The following UTRN variants were observed in gnomAD, a reference collection of about 807,000 sequenced individuals.
UTRN encodes the protein dystrophin-related protein 1.
Under a neutral mutation model 463.9 loss-of-function variants are expected in UTRN, and 283 were observed. That is an observed-to-expected ratio of 0.61 (90% CI 0.55 to 0.67). The LOEUF (loss-of-function observed/expected upper bound fraction) is 0.67, where lower values mean the gene tolerates loss of function less well. UTRN is among the 30% of genes least tolerant of loss of function. The pLI, the probability that UTRN is intolerant of heterozygous loss-of-function variation, is 0.00. For missense variants in UTRN, 3,922 were observed against 4,084.3 expected (o/e 0.96, Z 1.08); for synonymous variants, 1,442 against 1,431.5 (o/e 1.01, Z -0.17).
intron 58 of UTRN, among the ~76,000 whole-genome samples, chr6:144,768,960 T>TTTTTTTTTTTTTTTTTTTTTC (rs1793685309): frequency 6.8e-6 from 1 of 147,704 alleles, no homozygotes; most frequent in African/African-American, 2.5e-5. Context: ...TTTGTTTTGT[T>TTTTTTTTTTTTTTTTTTTTTC]TTTTTTTTTT....
At chr6:144,299,176 A>G (rs866970503) in intron 2 of UTRN, among the ~76,000 whole-genome samples, 1 of 152,172 alleles carries the variant, frequency 6.6e-6, no homozygotes, top group Non-Finnish European at 1.5e-5. Flanking sequence ...TTCAAGCTTT[A>G]TGTCAGAACC....
chr6:144,509,371 A>T (rs761413735), intron 34 of UTRN, among the ~76,000 whole-genome samples: 5 of 152,010 alleles, frequency 3.3e-5, no homozygotes, highest in Non-Finnish European at 7.4e-5. Flanking sequence ...TTCAATTTTT[A>T]AACATCCATG....
At chr6:144,497,975 G>A (rs932103012) in intron 33 of UTRN, among the ~76,000 whole-genome samples, 1 of 152,202 alleles carries the variant, frequency 6.6e-6, no homozygotes, top group African/African-American at 2.4e-5. Context: ...AGGAAGATGA[G>A]CTTGCAAAAG....
Position 144,521,964 on chromosome 6 carries a change from T to TG in UTRN, c.5542-16_5542-15insG. On this transcript the variant is annotated splice_polypyrimidine_tract_variant and intron_variant, in intron 39 of 74. Transcript: ENST00000367545. ...ATATATATATATATATATTTTTTTT[T>TG]TTGCTGTTTTTGTAGGCAATCCCTA... 2 of 1,446,362 alleles carry TG rather than the reference T, an allele frequency of 1.4e-6. No homozygotes were observed. The highest frequency in any genetic ancestry group is 1.8e-6 in the Non-Finnish European group (2 of 1,104,912). 89.6% of individuals were successfully genotyped at this position (1,446,362 alleles called of 1,614,324 possible).
At chr6:144,299,851 G>C (rs1181556666) in intron 2 of UTRN, among the ~76,000 whole-genome samples, 1 of 152,092 alleles carries the variant, frequency 6.6e-6, no homozygotes, top group East Asian at 1.9e-4. Flanking sequence ...GGTGGTTAGA[G>C]AAATGTATTA....
At chr6:144,631,746 T>C (rs1237699494) in intron 51 of UTRN, among the ~76,000 whole-genome samples, 2 of 152,188 alleles carry the variant, frequency 1.3e-5, no homozygotes, top group Non-Finnish European at 2.9e-5. Flanking sequence ...TTGGGCTCTA[T>C]CTTCTATTTC....
intron 51 of UTRN, among the ~76,000 whole-genome samples, chr6:144,656,110 A>T (rs1417476907): frequency 1.3e-5 from 2 of 152,216 alleles, no homozygotes; most frequent in African/African-American, 4.8e-5. Context: ...TTCCTGGGTT[A>T]TTCAGTGTTG....
chr6:144,537,279 AT>A (rs1352327953), intron 43 of UTRN, among the ~76,000 whole-genome samples: 1 of 152,014 alleles, frequency 6.6e-6, no homozygotes, highest in Admixed American at 6.6e-5. Context: ...GCGGAGTGGT[AT>A]CTAACTGTAA....
intron 18 of UTRN, 41 bp downstream of exon 18, chr6:144,451,534 G>A (rs558929430): frequency 3.9e-6 from 6 of 1,558,220 alleles, no homozygotes; most frequent in South Asian, 1.2e-5. Flanking sequence ...GCATAAAATA[G>A]TTCATCATGC....
chr6:144,852,659 A>G lies in UTRN; in HGVS notation c.*1662A>G, dbSNP rs1358585724. On this transcript the variant is annotated 3_prime_UTR_variant, in exon 75 of 75. Transcript: ENST00000367545. Reference sequence around the variant, plus strand: ...TGCTTTATGCTGCTGCAGTCTGCAAAGTCTAGAGCTTTTATCAGGCCATGT... The same window carrying G: ...TGCTTTATGCTGCTGCAGTCTGCAAGGTCTAGAGCTTTTATCAGGCCATGT... 2.6e-5 allele frequency: 4 copies of G among 152,596 alleles called. No individual in the cohort carries two copies. The highest frequency in any genetic ancestry group is 9.7e-5 in the African/African-American group (4 of 41,444). 9.5% of individuals were successfully genotyped at this position (152,596 alleles called of 1,614,324 possible). A position where few individuals can be genotyped will look rare whatever the true frequency, so the allele number is the denominator to read the frequency against.
At chr6:144,434,777 A>G (rs1448040766) in intron 9 of UTRN, among the ~76,000 whole-genome samples, 1 of 152,196 alleles carries the variant, frequency 6.6e-6, no homozygotes, top group Non-Finnish European at 1.5e-5. Flanking sequence ...CCAGCAGGAA[A>G]CCAGGGCAGT....
chr6:144,479,104 G>T (rs964224790), intron 25 of UTRN, among the ~76,000 whole-genome samples: 1 of 146,228 alleles, frequency 6.8e-6, no homozygotes, highest in South Asian at 2.2e-4. Flanking sequence ...CATTTTGATT[G>T]CTTCTAGGGG....
intron 62 of UTRN, among the ~76,000 whole-genome samples, chr6:144,789,701 CTT>C (rs921833837): frequency 2.0e-5 from 3 of 151,926 alleles, no homozygotes; most frequent in African/African-American, 7.3e-5. Context: ...AAAGCCTAAA[CTT>C]TTTTTTATTT....
chr6:144,444,535 A>G (rs1787480423), intron 14 of UTRN, among the ~76,000 whole-genome samples, 153 bp downstream of exon 14: 1 of 152,226 alleles, frequency 6.6e-6, no homozygotes, highest in African/African-American at 2.4e-5. Context: ...TCCAGTTTAT[A>G]ACTGATCATG....
At chr6:144,456,653 AAATAAT>A (rs57694055) in intron 19 of UTRN, among the ~76,000 whole-genome samples, 11,000 of 140,518 alleles carry the variant, frequency 0.078, 508 homozygotes, top group African/African-American at 0.13. Context: ...CTCTGTCTCA[AAATAAT>A]AATAATAATA....
chr6:144,297,724 G>A lies in UTRN; in HGVS notation c.79+5817G>A, dbSNP rs55684976. 0.013 allele frequency among the ~76,000 whole-genome samples: 1,950 copies of A among 152,218 alleles called. 84 individuals are homozygous for A. In the East Asian group the frequency reaches 0.16, roughly 13 times the overall value. On this transcript the variant is annotated intron_variant, in intron 2 of 74. Transcript: ENST00000367545. ...AGAGAAGGGCAGCTATTCTTGTCCTGCTTGTAAAGATATTCTCCATGTTGT... is the reference window on the plus strand; with the variant it reads ...AGAGAAGGGCAGCTATTCTTGTCCTACTTGTAAAGATATTCTCCATGTTGT...
intron 3 of UTRN, among the ~76,000 whole-genome samples, chr6:144,406,307 C>G (rs773148802): frequency 2.0e-4 from 30 of 151,842 alleles, no homozygotes; most frequent in Non-Finnish European, 3.8e-4. Context: ...ATTGGTTCTT[C>G]CATTCCATGC....
At chr6:144,583,587 A>G (rs1323020502) in intron 51 of UTRN, 9 of 712,484 alleles carry the variant, frequency 1.3e-5, no homozygotes, top group Admixed American at 1.2e-4. Flanking sequence ...CCTCGGTATC[A>G]GAAGCTCTGT....
chr6:144,777,458 A>G (rs1775428348), intron 60 of UTRN, among the ~76,000 whole-genome samples: 1 of 152,244 alleles, frequency 6.6e-6, no homozygotes, highest in African/African-American at 2.4e-5. Context: ...GTGAAATACA[A>G]AGGTTAATGG....
Sources: allele counts gnomAD v4.1 joint callset (sites outside exome capture counted in the v4.1 genomes callset), GRCh38; gene constraint gnomAD v4.1.1; transcripts MANE v1.5; gene names NCBI Gene and HGNC (gene_info 2026-07-23, HGNC 2026-07-21).